The following EYS variants were observed in gnomAD, a reference collection of about 807,000 sequenced individuals.
EYS encodes protein eyes shut homolog.
A neutral mutation model predicts 282.1 loss-of-function variants in EYS; 250 were observed. The observed-to-expected ratio is 0.89, with a 90% CI of 0.80 to 0.98. EYS has a LOEUF of 0.98. Among genes scored for constraint, EYS ranks in the 50% least tolerant of loss-of-function variants. The probability of loss-of-function intolerance (pLI) is 0.00; values close to 1 mark genes in which losing one functional copy is unlikely to be tolerated. For synonymous variants in EYS, 1,355 were observed against 1,282.9 expected, an observed-to-expected ratio of 1.06 and a Z score of -1.20; for missense variants, 4,016 against 3,709.0, an observed-to-expected ratio of 1.08 and a Z score of -2.15.
chr6:65,413,131 T>C (rs1380353380), intron 5 of EYS, among the ~76,000 whole-genome samples: 1 of 152,162 alleles, frequency 6.6e-6, no homozygotes, highest in African/African-American at 2.4e-5. Context: ...AATGGAATGT[T>C]TGATGAAAAG....
At chr6:64,363,260 T>C (rs1772076995) in intron 29 of EYS, among the ~76,000 whole-genome samples, 1 of 151,980 alleles carries the variant, frequency 6.6e-6, no homozygotes, top group South Asian at 2.1e-4. Context: ...ATATACATTT[T>C]TTTATTTTAT....
intron 36 of EYS, among the ~76,000 whole-genome samples, chr6:63,837,748 A>G (rs1360767553): frequency 1.3e-5 from 2 of 152,168 alleles, no homozygotes; most frequent in Non-Finnish European, 2.9e-5. Flanking sequence ...AGGATTTTGT[A>G]TCAATATTTA....
At chr6:65,192,293 C>CTGTGTGTGTGTGTGTGTG (rs58238401) in intron 12 of EYS, among the ~76,000 whole-genome samples, 5,430 of 142,784 alleles carry the variant, frequency 0.038, 126 homozygotes, top group Middle Eastern at 0.053. Flanking sequence ...TTTTTCTACT[C>CTGTGTGTGTGTGTGTGTG]TGTGTGTGTG....
At chr6:64,390,013 G>GACAC (rs1773057443) in intron 28 of EYS, among the ~76,000 whole-genome samples, 1 of 147,696 alleles carries the variant, frequency 6.8e-6, no homozygotes, top group Non-Finnish European at 1.5e-5. Flanking sequence ...AGGGGTGATG[G>GACAC]ATGGCACCTG....
intron 5 of EYS, among the ~76,000 whole-genome samples, chr6:65,465,279 G>C (rs1764960255): frequency 6.6e-6 from 1 of 151,728 alleles, no homozygotes; most frequent in African/African-American, 2.4e-5. Context: ...GGAGTTTGAG[G>C]CCAGCCTGAG....
intron 9 of EYS, among the ~76,000 whole-genome samples, chr6:65,348,979 T>C (rs1027702857): frequency 6.6e-6 from 1 of 151,654 alleles, no homozygotes; most frequent in Non-Finnish European, 1.5e-5. Context: ...TTTTATACTT[T>C]CTTTTTATGT....
chr6:65,193,363 C>T (rs1179694413), intron 12 of EYS, among the ~76,000 whole-genome samples: 1 of 151,726 alleles, frequency 6.6e-6, no homozygotes, highest in Admixed American at 6.6e-5. Flanking sequence ...CCTTTGTAAC[C>T]CTGAAAATTA....
intron 5 of EYS, among the ~76,000 whole-genome samples, chr6:65,417,978 A>G (rs766267913): frequency 8.6e-5 from 13 of 152,016 alleles, no homozygotes; most frequent in Non-Finnish European, 1.6e-4. Flanking sequence ...ATCCATTCAC[A>G]TCTCTTAATT....
At chr6:65,202,674 G>T (rs934976358) in intron 12 of EYS, among the ~76,000 whole-genome samples, 6 of 152,182 alleles carry the variant, frequency 3.9e-5, no homozygotes, top group African/African-American at 1.2e-4. Flanking sequence ...TGACTGAAAA[G>T]CTTATTGCCT....
intron 22 of EYS, among the ~76,000 whole-genome samples, chr6:64,734,997 G>A (rs1772136692): frequency 6.6e-6 from 1 of 152,048 alleles, no homozygotes; most frequent in African/African-American, 2.4e-5. Context: ...TGTTAATGAG[G>A]TGATTAAGAC....
chr6:65,078,973 AG>A (rs1245395044), intron 12 of EYS, among the ~76,000 whole-genome samples: 1 of 151,676 alleles, frequency 6.6e-6, no homozygotes, highest in Admixed American at 6.6e-5. Flanking sequence ...CATGAGCAAA[AG>A]CTTCATGCGT....
chr6:64,673,503 C>T (rs890698383), intron 22 of EYS, among the ~76,000 whole-genome samples: 1 of 152,110 alleles, frequency 6.6e-6, no homozygotes, highest in Non-Finnish European at 1.5e-5. Context: ...TGATGTACTG[C>T]TGCCAACAGC....
chr6:65,095,008 A>T (rs1004278676), intron 12 of EYS, among the ~76,000 whole-genome samples: 1 of 151,418 alleles, frequency 6.6e-6, no homozygotes, highest in African/African-American at 2.4e-5. Flanking sequence ...AGGAGATATT[A>T]CAACTGATGC....
chr6:65,087,769 A>T (rs1374618439), intron 12 of EYS, among the ~76,000 whole-genome samples: 2 of 152,124 alleles, frequency 1.3e-5, no homozygotes, highest in African/African-American at 4.8e-5. Flanking sequence ...TGATTTTCTG[A>T]TCACATTCTT....
At chr6:64,784,764 G>GT (rs1020403942) in intron 22 of EYS, among the ~76,000 whole-genome samples, 4 of 151,744 alleles carry the variant, frequency 2.6e-5, no homozygotes, top group East Asian at 1.9e-4. Context: ...AAATTCTCGG[G>GT]TTTTTTTTCC....
chr6:64,909,173 C>T (rs576387113), intron 16 of EYS, among the ~76,000 whole-genome samples: 1 of 152,110 alleles, frequency 6.6e-6, no homozygotes, highest in Admixed American at 6.5e-5. Context: ...TATCTCAAGA[C>T]TTGACACATC....
At chr6:63,902,005 G>A (rs1349285023) in intron 35 of EYS, among the ~76,000 whole-genome samples, 1 of 152,042 alleles carries the variant, frequency 6.6e-6, no homozygotes, top group Non-Finnish European at 1.5e-5. Context: ...TGACCCTTCT[G>A]CCCCACCCTT....
At chr6:64,421,252 G>A (rs1324799429) in intron 28 of EYS, among the ~76,000 whole-genome samples, 1 of 151,988 alleles carries the variant, frequency 6.6e-6, no homozygotes, top group Non-Finnish European at 1.5e-5. Flanking sequence ...AAAAGGGGAA[G>A]CCCCTTAAAA....
At chr6:65,142,112 A>C (rs1335328223) in intron 12 of EYS, among the ~76,000 whole-genome samples, 2 of 152,064 alleles carry the variant, frequency 1.3e-5, no homozygotes, top group Non-Finnish European at 1.5e-5. Context: ...CTACCATCTA[A>C]GATGATGGGT....
Sources: allele counts gnomAD v4.1 joint callset (sites outside exome capture counted in the v4.1 genomes callset), GRCh38; gene constraint gnomAD v4.1.1; transcripts MANE v1.5; gene names NCBI Gene and HGNC (gene_info 2026-07-23, HGNC 2026-07-21).